Variants in SMAP1 observed in about 807,000 individuals in gnomAD.
SMAP1 encodes the protein stromal membrane-associated protein 1.
Under a neutral mutation model 58.5 loss-of-function variants are expected in SMAP1, and 24 were observed. The observed-to-expected ratio is 0.41, with a 90% CI of 0.30 to 0.58. The LOEUF (loss-of-function observed/expected upper bound fraction) is 0.58. Ranked by LOEUF, SMAP1 falls within the 20% of genes least tolerant of loss-of-function variation. The probability of loss-of-function intolerance (pLI) is 0.29; values close to 1 mark genes in which losing one functional copy is unlikely to be tolerated. For synonymous variants in SMAP1, 216 were observed against 196.6 expected, an observed-to-expected ratio of 1.10 and a Z score of -0.82; for missense variants, 563 against 566.3, an observed-to-expected ratio of 0.99 and a Z score of 0.06.
chr6:70,730,533 C>T (rs953406909), intron 1 of SMAP1, among the ~76,000 whole-genome samples: 2 of 152,174 alleles, frequency 1.3e-5, no homozygotes, highest in African/African-American at 2.4e-5. Context: ...CTGGGGGAGG[C>T]AGCTCTATCT....
intron 1 of SMAP1, among the ~76,000 whole-genome samples, chr6:70,717,999 A>G (rs1215677399): frequency 6.6e-6 from 1 of 152,222 alleles, no homozygotes; most frequent in Non-Finnish European, 1.5e-5. Context: ...AGATTGTTAT[A>G]GAAGCAATGA....
intron 6 of SMAP1, among the ~76,000 whole-genome samples, chr6:70,805,453 C>T (rs931951030): frequency 6.6e-6 from 1 of 152,136 alleles, no homozygotes; most frequent in Admixed American, 6.5e-5. Context: ...GAACATGTTC[C>T]ATTAGCTCCG....
rs531376769 is a variant in SMAP1, at chr6:70,701,778, C to T, written c.119-30600C>T. On this transcript the variant is annotated intron_variant, in intron 1 of 10. Coordinates refer to ENST00000370455, the MANE Select transcript of SMAP1 (RefSeq NM_001044305.3). ...GCAATTCAAAATTGTCTTCCCTAAC[C>T]TCTTCAGTGCCCCTTTTCTCAATAT... Among the ~76,000 whole-genome samples the T allele has an allele frequency of 2.0e-3, 298 of 152,282 alleles. 1 individual carries two copies. The highest frequency in any genetic ancestry group is 5.2e-3 in the Admixed American group (79 of 15,294).
In SMAP1 at chr6:70,798,702, C is replaced by A; in HGVS notation, c.541C>A (p.Pro181Thr). 1.3e-6 allele frequency: 2 copies of A among 1,554,336 alleles called. No individual in the cohort carries two copies. The highest frequency in any genetic ancestry group is 1.7e-6 in the Non-Finnish European group (2 of 1,150,320). The change falls in exon 6 of 11, where the codon CCA becomes ACA. Residue 181 changes from proline to threonine, a missense_variant. Physicochemically the swap from Pro to Thr is conservative, Grantham distance 38. This residue lies in a region of SMAP1 where 494 missense variants were observed against 473.8 expected (regional missense o/e 1.04). Coordinates refer to ENST00000370455, the MANE Select transcript of SMAP1 (RefSeq NM_001044305.3). The stretch of plus-strand genomic sequence containing the variant: ...GGAAGAGAAAAAGAGAGAAAAGGAG[C>A]CAGAAAAGCCGGCAAAACCACTTAC... ...KKEEKKREKE[P>T]EKPAKPLTAE...
At chr6:70,854,736 G>A (rs1226387283) in intron 8 of SMAP1, among the ~76,000 whole-genome samples, 1 of 152,056 alleles carries the variant, frequency 6.6e-6, no homozygotes, top group African/African-American at 2.4e-5. Context: ...AGTCATTTTG[G>A]TGGGTTTTTA....
At chr6:70,849,274 C>A (rs62419739) in intron 7 of SMAP1, among the ~76,000 whole-genome samples, 4 of 152,152 alleles carry the variant, frequency 2.6e-5, no homozygotes, top group Non-Finnish European at 4.4e-5. Flanking sequence ...CTGTCTCATT[C>A]TAAAAAGGAT....
chr6:70,831,693 G>T (rs769305602), intron 6 of SMAP1, among the ~76,000 whole-genome samples: 1 of 152,078 alleles, frequency 6.6e-6, no homozygotes, highest in South Asian at 2.1e-4. Flanking sequence ...TTGATTCCAT[G>T]TCTTTGCTAT....
chr6:70,745,087 G>T (rs575790115), intron 2 of SMAP1, among the ~76,000 whole-genome samples: 1 of 152,236 alleles, frequency 6.6e-6, no homozygotes, highest in Admixed American at 6.5e-5. Context: ...TTTGTCAGAT[G>T]GGTAGATTGC....
At chr6:70,781,232 A>T (rs2149925171) in intron 4 of SMAP1, among the ~76,000 whole-genome samples, 1 of 152,252 alleles carries the variant, frequency 6.6e-6, no homozygotes, top group East Asian at 1.9e-4. Context: ...ACAGATTTTA[A>T]AGTTAAAATA....
chr6:70,821,560 C>T (rs1055626491), intron 6 of SMAP1, among the ~76,000 whole-genome samples: 2 of 152,014 alleles, frequency 1.3e-5, no homozygotes, highest in Non-Finnish European at 2.9e-5. Context: ...ATTTAATTAG[C>T]CTGAAAAAAT....
In SMAP1 at chr6:70,824,686, T is replaced by G. The variant is rs151127860; in HGVS notation, c.577-12255T>G. 3.8e-4 allele frequency among the ~76,000 whole-genome samples: 58 copies of G among 152,324 alleles called. No homozygotes were observed. The East Asian group carries it at 9.6e-3, about 25-fold the overall frequency. On this transcript the variant is annotated intron_variant, in intron 6 of 10. Coordinates refer to ENST00000370455, the MANE Select transcript of SMAP1 (RefSeq NM_001044305.3). ...TTCCACATGCATATGTCACTTGTTC[T>G]TAGCAGAGCAGTGGAAACATGCAGA... is the stretch of plus-strand genomic sequence containing the variant.
intron 1 of SMAP1, among the ~76,000 whole-genome samples, chr6:70,717,520 G>A (rs886117193): frequency 2.6e-5 from 4 of 152,190 alleles, no homozygotes; most frequent in African/African-American, 9.6e-5. Context: ...GTGTGCAAGT[G>A]TGTCTAAACT....
intron 1 of SMAP1, among the ~76,000 whole-genome samples, chr6:70,679,494 T>G (rs967664891): frequency 6.6e-6 from 1 of 152,160 alleles, no homozygotes; most frequent in Non-Finnish European, 1.5e-5. Flanking sequence ...CCCAAGAAAT[T>G]TATAGAAAAG....
At chr6:70,736,887 T>A (rs1220625450) in intron 2 of SMAP1, among the ~76,000 whole-genome samples, 1 of 152,240 alleles carries the variant, frequency 6.6e-6, no homozygotes, top group Non-Finnish European at 1.5e-5. Flanking sequence ...CCTAGAACAT[T>A]GCTTTGGTTA....
At chr6:70,721,035 A>C (rs1768501459) in intron 1 of SMAP1, among the ~76,000 whole-genome samples, 1 of 152,176 alleles carries the variant, frequency 6.6e-6, no homozygotes. Context: ...TGTTCTATGA[A>C]AATGATTTGT....
At chr6:70,840,047 G>C (rs907802203) in intron 7 of SMAP1, among the ~76,000 whole-genome samples, 6 of 152,170 alleles carry the variant, frequency 3.9e-5, no homozygotes, top group African/African-American at 1.4e-4. Flanking sequence ...ACACAGCGGG[G>C]ATTGGGGGCG....
intron 6 of SMAP1, among the ~76,000 whole-genome samples, chr6:70,832,197 C>G (rs1360998801): frequency 6.6e-6 from 1 of 152,024 alleles, no homozygotes; most frequent in Non-Finnish European, 1.5e-5. Context: ...AAATTTTCTC[C>G]CATTCTGTAG....
At chr6:70,793,333 A>G (rs1375308883) in intron 5 of SMAP1, among the ~76,000 whole-genome samples, 1 of 152,016 alleles carries the variant, frequency 6.6e-6, no homozygotes, top group Non-Finnish European at 1.5e-5. Context: ...GCGCCTGGCC[A>G]AGAGAGTGTA....
At chr6:70,799,454 A>C (rs183620066) in intron 6 of SMAP1, among the ~76,000 whole-genome samples, 3 of 152,134 alleles carry the variant, frequency 2.0e-5, no homozygotes, top group African/African-American at 4.8e-5. Flanking sequence ...AGAATGTTGT[A>C]CTTTGTAAAG....
Sources: allele counts gnomAD v4.1 joint callset (sites outside exome capture counted in the v4.1 genomes callset), GRCh38; gene constraint gnomAD v4.1.1; regional missense constraint gnomAD v4.1.1; transcripts MANE v1.5; gene names NCBI Gene and HGNC (gene_info 2026-07-23, HGNC 2026-07-21).